HMGCS2: variants seen among roughly 807,000 people sequenced by gnomAD.
HMGCS2 encodes the protein hydroxymethylglutaryl-CoA synthase, mitochondrial.
A neutral mutation model predicts 57.4 loss-of-function variants in HMGCS2; 50 were observed. The observed-to-expected ratio is 0.87, with a 90% CI of 0.69 to 1.10. The LOEUF is 1.10. HMGCS2 is among the 50% of genes least tolerant of loss of function. The probability of loss-of-function intolerance (pLI) is 0.00; values close to 1 mark genes in which losing one functional copy is unlikely to be tolerated. For synonymous variants in HMGCS2, 254 were observed against 245.1 expected, an observed-to-expected ratio of 1.04 and a Z score of -0.34; for missense variants, 627 against 636.5, an observed-to-expected ratio of 0.99 and a Z score of 0.16.
At chr1:119,768,320 A>C (rs1023520263) in intron 1 of HMGCS2, among the ~76,000 whole-genome samples, 6 of 152,190 alleles carry the variant, frequency 3.9e-5, no homozygotes, top group African/African-American at 1.4e-4. Flanking sequence ...TCTCATCCTC[A>C]GTCCATTTCT....
At chr1:119,756,056 C>T (rs1333243074) in intron 5 of HMGCS2, among the ~76,000 whole-genome samples, 1 of 152,128 alleles carries the variant, frequency 6.6e-6, no homozygotes, top group Non-Finnish European at 1.5e-5. Flanking sequence ...TTCTTTTAAA[C>T]ACATGGGATT....
At position 119,759,162 on chromosome 1, in the gene HMGCS2, C is replaced by CA. The variant is rs757352789; in HGVS notation, c.805dup (p.Cys269LeufsTer7). The CA allele has an allele frequency of 6.2e-7, 1 of 1,614,182 alleles. No individual in the cohort carries two copies. Among genetic ancestry groups the CA allele is most frequent in the African/African-American group, 1.3e-5 (1 of 75,044 alleles). On this transcript the variant is annotated frameshift_variant, in exon 4 of 10. Coordinates refer to ENST00000369406, the MANE Select transcript of HMGCS2 (RefSeq NM_005518.4). LOFTEE classifies it high-confidence loss of function. ...GATTTTTTTACGGTATGATGTGTAA[C>CA]ATCGATCCAAGGCCCGCAAGTAGCA...
In HMGCS2 at chr1:119,753,425, A is replaced by G; in HGVS notation, c.1188-39T>C. ...AATCAAATAAAACACACACACACAC[A>G]CACACACACACACACACACACATAT... On this transcript the variant is annotated intron_variant, in intron 6 of 9. Coordinates refer to ENST00000369406, the MANE Select transcript of HMGCS2 (RefSeq NM_005518.4). The G allele has an allele frequency of 3.7e-6, 3 of 800,130 alleles. No individual in the cohort carries two copies. The South Asian group carries it at 4.2e-5, about 11-fold the overall frequency. The allele number at this position is 800,130 out of a possible 1,614,324, so 49.6% of individuals were successfully genotyped here.
In HMGCS2 at chr1:119,759,138, A is replaced by T. The variant is rs775637086; in HGVS notation, c.830T>A (p.Ile277Asn). The change falls in exon 4 of 10, where the codon ATC (isoleucine) becomes AAC (asparagine). Residue 277 changes from isoleucine to asparagine, a missense_variant. Ile to Asn is a moderately radical substitution (Grantham distance 149). Transcript: ENST00000369406. ...CATACCTTGCTTCCACTGATTCTGG[A>T]TTTTTTTACGGTATGATGTGTAACA... ...DRCYTSYRKK[I>N]QNQWKQAGSD... The T allele has an allele frequency of 6.2e-6, 10 of 1,613,946 alleles. No homozygotes were observed. Among genetic ancestry groups the T allele is most frequent in the East Asian group, 4.5e-5 (2 of 44,896 alleles).
chr1:119,768,508 T>C (rs1324916239), intron 1 of HMGCS2, among the ~76,000 whole-genome samples: 1 of 152,140 alleles, frequency 6.6e-6, no homozygotes, highest in East Asian at 1.9e-4. Flanking sequence ...AAAGTTGCCA[T>C]TGCTCACAAA....
intron 5 of HMGCS2, 142 bp downstream of exon 5, chr1:119,757,131 G>C: frequency 7.4e-7 from 1 of 1,352,752 alleles, no homozygotes. Context: ...CCCCGTGGAA[G>C]GACCTGGGAT....
chr1:119,757,547 C>T, intron 4 of HMGCS2, 109 bp from the exon 5 acceptor site: 1 of 1,566,830 alleles, frequency 6.4e-7, no homozygotes, highest in Non-Finnish European at 8.7e-7. Context: ...CAGGGAACTA[C>T]TTCCCACCTC....
At chr1:119,758,874 T>C (rs1440269413) in intron 4 of HMGCS2, among the ~76,000 whole-genome samples, 3 of 152,248 alleles carry the variant, frequency 2.0e-5, no homozygotes, top group African/African-American at 7.2e-5. Context: ...ACTGGGGGCC[T>C]TGCCCTGGAT....
rs774949209 is a variant in HMGCS2, at chr1:119,753,365, A to G, written c.1209T>C (p.Ala403=). 6 of 1,612,778 alleles carry G rather than the reference A, an allele frequency of 3.7e-6. No individual in the cohort carries two copies. The highest frequency in any genetic ancestry group is 1.7e-6 in the Non-Finnish European group (2 of 1,179,124). Residue 403 remains alanine (A), a synonymous_variant, in exon 7 of 10, where the codon GCT becomes GCC. Transcript: ENST00000369406. Reference sequence around the variant, plus strand: ...AAGAGAAGGCACCAATCCTGGAGCCAGCCAGTTCTTGGGCAGAGTGGCTGT... The same window carrying G: ...AAGAGAAGGCACCAATCCTGGAGCCGGCCAGTTCTTGGGCAGAGTGGCTGT... ...LLSHHSAQEL[A]GSRIGAFSYG...
intron 1 of HMGCS2, among the ~76,000 whole-genome samples, chr1:119,765,355 G>A (rs1344231560): frequency 6.6e-6 from 1 of 152,026 alleles, no homozygotes; most frequent in Non-Finnish European, 1.5e-5. Flanking sequence ...GTCTTCCAAA[G>A]TGCTGGGATT....
At chr1:119,752,294 A>T (rs1287941388) in intron 8 of HMGCS2, among the ~76,000 whole-genome samples, 2 of 152,058 alleles carry the variant, frequency 1.3e-5, no homozygotes, top group East Asian at 3.9e-4. Flanking sequence ...CTTCCATGGG[A>T]CTACACATTC....
Position 119,764,195 on chromosome 1 carries a change from C to A in HMGCS2, c.536G>T (p.Trp179Leu). The change falls in exon 2 of 10, where the codon TGG becomes TTG. Residue 179 changes from tryptophan (W) to leucine (L), a missense_variant. Physicochemically the swap from Trp to Leu is moderately conservative, Grantham distance 61. Transcript: ENST00000369406. ...GTASLFNAAN[W>L]MESSSWDGRY... is the part of the protein sequence containing the mutation. ...ACCATCCCAGGAACTGGACTCCATC[C>A]AGTTGGCAGCATTGAAGAGGGAGGC... 1 of 1,613,542 alleles carries A rather than the reference C, an allele frequency of 6.2e-7. No homozygotes were observed. Among genetic ancestry groups the A allele is most frequent in the Non-Finnish European group, 8.5e-7 (1 of 1,180,030 alleles).
At chr1:119,750,963 A>C (rs190001232) in intron 8 of HMGCS2, 55 bp from the exon 9 acceptor site, 107 of 1,072,406 alleles carry the variant, frequency 1.0e-4, no homozygotes, top group Admixed American at 6.4e-4. Context: ...AGTTTTTGGA[A>C]GAGAAAATAG....
Position 119,755,573 on chromosome 1 carries a change from G to A in HMGCS2, c.1041C>T (p.Tyr347=), listed in dbSNP as rs1652809624. 6.2e-7 allele frequency: 1 copy of A among 1,614,164 alleles called. No homozygotes were observed. Among genetic ancestry groups the A allele is most frequent in the Non-Finnish European group, 8.5e-7 (1 of 1,180,022 alleles). Residue 347 remains tyrosine (Y), a synonymous_variant, in exon 6 of 10, where the codon TAC becomes TAT. Coordinates refer to ENST00000369406, the MANE Select transcript of HMGCS2 (RefSeq NM_005518.4). ...AFGGLKLEDT[Y]TNKDLDKALL... ...GTGCTTTATCCAGGTCCTTGTTGGT[G>A]TAGGTGTCTTCCAGCTTTAGCCCCC...
intron 1 of HMGCS2, among the ~76,000 whole-genome samples, chr1:119,765,255 C>T (rs1289425442): frequency 6.6e-6 from 1 of 152,086 alleles, no homozygotes; most frequent in Non-Finnish European, 1.5e-5. Context: ...ACTACAGGCA[C>T]CTGCCACCAC....
intron 2 of HMGCS2, among the ~76,000 whole-genome samples, chr1:119,760,842 A>G (rs1394207975): frequency 6.6e-6 from 1 of 152,110 alleles, no homozygotes; most frequent in Non-Finnish European, 1.5e-5. Context: ...CTCATGATAA[A>G]TCTATGTAGC....
Position 119,752,553 on chromosome 1 carries a change from A to G in HMGCS2, c.1416T>C (p.His472=). ...TCTTCCTGACTTTTTTCTTACCCTT[A>G]TGGTAGAATTGCTCTCTTTGGTTCA... ...EIMNQREQFY[H]KVNFSPPGDT... is the part of the protein sequence containing the mutation. The change falls in exon 8 of 10, where the codon CAT becomes CAC. Residue 472 remains histidine (H), a synonymous_variant. Transcript: ENST00000369406. 3.7e-6 allele frequency: 6 copies of G among 1,613,670 alleles called. No individual in the cohort carries two copies. Among genetic ancestry groups the G allele is most frequent in the Non-Finnish European group, 5.1e-6 (6 of 1,179,832 alleles).
Position 119,750,909 on chromosome 1 carries a change from C to G in HMGCS2, c.1421-1G>C, listed in dbSNP as rs1205843444. On this transcript the variant is annotated splice_acceptor_variant, in intron 8 of 9. Transcript: ENST00000369406. LOFTEE classifies it high-confidence loss of function. ...GTGTCACCAGGTGGGGAGAAATTCA[C>G]TGTGGAATGAGGAGAAGAGGCAGTA... The G allele has an allele frequency of 6.3e-7, 1 of 1,578,382 alleles. No homozygotes were observed. The highest frequency in any genetic ancestry group is 8.7e-7 in the Non-Finnish European group (1 of 1,147,680).
chr1:119,764,456 C>T lies in HMGCS2; in HGVS notation c.275G>A (p.Arg92His), dbSNP rs144921290. 6.6e-5 allele frequency: 107 copies of T among 1,613,038 alleles called. 1 individual carries two copies. The Middle Eastern group carries it at 8.3e-4, about 12-fold the overall frequency. Residue 92 changes from arginine (R) to histidine (H), a missense_variant, in exon 2 of 10, where the codon CGT becomes CAT. Physicochemically the swap from Arg to His is conservative, Grantham distance 29. Transcript: ENST00000369406. ...CTCTTGGACTGAGCAGAAGCCCATA[C>T]GGGTCTGGCCCAAGCCCACTGTATA... is the stretch of plus-strand genomic sequence containing the variant. ...GKYTVGLGQT[R>H]MGFCSVQEDI...
Sources: allele counts gnomAD v4.1 joint callset (sites outside exome capture counted in the v4.1 genomes callset), GRCh38; gene constraint gnomAD v4.1.1; transcripts MANE v1.5; gene names NCBI Gene and HGNC (gene_info 2026-07-23, HGNC 2026-07-21).